OGN: variants seen among roughly 807,000 people sequenced by gnomAD.
OGN encodes the protein mimecan.
Under a neutral mutation model 30.8 loss-of-function variants are expected in OGN, and 19 were observed. The ratio of observed to expected loss-of-function variants is 0.62; its 90% CI spans 0.43 to 0.90. The LOEUF (loss-of-function observed/expected upper bound fraction) is 0.90. OGN is among the 40% of genes least tolerant of loss of function. The pLI is 0.00. For missense variants in OGN, 283 were observed against 349.7 expected, an observed-to-expected ratio of 0.81 and a Z score of 1.52; for synonymous variants, 126 against 128.3, an observed-to-expected ratio of 0.98 and a Z score of 0.12.
intron 5 of OGN, among the ~76,000 whole-genome samples, chr9:92,388,316 C>A (rs1842519110): frequency 6.6e-6 from 1 of 151,792 alleles, no homozygotes; most frequent in Admixed American, 6.6e-5. Flanking sequence ...CGCCCACCAC[C>A]ACGCCTAGCT....
At chr9:92,388,657 A>G (rs1215153866) in intron 5 of OGN, among the ~76,000 whole-genome samples, 1 of 151,476 alleles carries the variant, frequency 6.6e-6, no homozygotes, top group Non-Finnish European at 1.5e-5. Context: ...CCTGGCCAAC[A>G]CCCATCTCTA....
chr9:92,386,636 A>G (rs1372436509), intron 5 of OGN, among the ~76,000 whole-genome samples: 1 of 152,102 alleles, frequency 6.6e-6, no homozygotes, highest in African/African-American at 2.4e-5. Flanking sequence ...GTGAGTCCCT[A>G]TGTGGGATTG....
intron 3 of OGN, among the ~76,000 whole-genome samples, chr9:92,395,663 T>C (rs1842863362): frequency 6.6e-6 from 1 of 152,208 alleles, no homozygotes; most frequent in Non-Finnish European, 1.5e-5. Context: ...TCCACATCCT[T>C]GCCAACATTT....
intron 2 of OGN, 60 bp from the exon 3 acceptor site, chr9:92,401,245 T>G (rs545668633): frequency 1.3e-6 from 1 of 787,256 alleles, no homozygotes; most frequent in East Asian, 2.5e-5. Flanking sequence ...CTCTGTAAAA[T>G]GAAGGGATCA....
At chr9:92,391,275 C>T (rs1032658297) in intron 4 of OGN, among the ~76,000 whole-genome samples, 91 of 150,796 alleles carry the variant, frequency 6.0e-4, no homozygotes, top group Non-Finnish European at 6.9e-4. Context: ...GGCGTGGTGG[C>T]GAGCACTTGT....
At chr9:92,400,851 C>G (rs557542684) in intron 3 of OGN, among the ~76,000 whole-genome samples, 1 of 152,330 alleles carries the variant, frequency 6.6e-6, no homozygotes, top group Admixed American at 6.5e-5. Flanking sequence ...GGAAACCACA[C>G]TTTGTGGAGG....
At chr9:92,386,569 C>T (rs1842430214) in intron 5 of OGN, among the ~76,000 whole-genome samples, 1 of 152,012 alleles carries the variant, frequency 6.6e-6, no homozygotes, top group Admixed American at 6.6e-5. Context: ...TCTGAATATC[C>T]GGCTCTAATG....
intron 4 of OGN, among the ~76,000 whole-genome samples, chr9:92,392,834 TA>T (rs1194580113): frequency 6.6e-6 from 1 of 152,146 alleles, no homozygotes; most frequent in Non-Finnish European, 1.5e-5. Flanking sequence ...TGAGAAGATA[TA>T]GTTGCCCATA....
At position 92,384,896 on chromosome 9, in the gene OGN, T is replaced by A. The variant is rs1842363381; in HGVS notation, c.*724A>T. 6.6e-6 allele frequency: 1 copy of A among 152,572 alleles called. No individual in the cohort carries two copies. The highest frequency in any genetic ancestry group is 6.5e-5 in the Admixed American group (1 of 15,284). The allele number at this position is 152,572 out of a possible 1,614,324, so 9.5% of individuals were successfully genotyped here. A position where few individuals can be genotyped will look rare whatever the true frequency, so the allele number is the denominator to read the frequency against. On this transcript the variant is annotated 3_prime_UTR_variant, in exon 7 of 7. Transcript: ENST00000375561. ...TATAAGCATATTGGTTTTGGCCTGC[T>A]TGAGTTTAAAACTTTTTTTGGTAGA...
intron 3 of OGN, among the ~76,000 whole-genome samples, chr9:92,399,898 TAG>T (rs1554757621): frequency 6.6e-6 from 1 of 152,208 alleles, no homozygotes; most frequent in Non-Finnish European, 1.5e-5. Flanking sequence ...TTTTAAAGTA[TAG>T]AGTTTTATAA....
At chr9:92,389,257 T>C (rs1842568617) in intron 5 of OGN, among the ~76,000 whole-genome samples, 1 of 152,184 alleles carries the variant, frequency 6.6e-6, no homozygotes, top group African/African-American at 2.4e-5. Flanking sequence ...TTGAGACAAA[T>C]TGTCTACCTA....
rs188999006 is a variant in OGN, at chr9:92,401,546, G to C, written c.175-361C>G. ...TTTCTGAGGTGAAACTGTTCCTCAG[G>C]GGTCTTGTCTGAACTGAGTTTCTCA... On this transcript the variant is annotated intron_variant, in intron 2 of 6. Transcript: ENST00000375561. Among the ~76,000 whole-genome samples the C allele has an allele frequency of 1.1e-3, 172 of 152,244 alleles. 1 individual carries two copies. The highest frequency in any genetic ancestry group is 3.9e-3 in the African/African-American group (164 of 41,550).
At position 92,385,535 on chromosome 9, in the gene OGN, A is replaced by G; in HGVS notation, c.*85T>C. On this transcript the variant is annotated 3_prime_UTR_variant, in exon 7 of 7. Coordinates refer to ENST00000375561, the MANE Select transcript of OGN (RefSeq NM_014057.5). ...AAAATGAGATACAAGGTTAATATTAAACCAATACTTAAGTTCCTTTACTCA... is the reference window on the plus strand; with the variant it reads ...AAAATGAGATACAAGGTTAATATTAGACCAATACTTAAGTTCCTTTACTCA... 8.5e-7 allele frequency: 1 copy of G among 1,177,600 alleles called. No homozygotes were observed. Among genetic ancestry groups the G allele is most frequent in the South Asian group, 1.5e-5 (1 of 67,506 alleles). 72.9% of individuals were successfully genotyped at this position (1,177,600 alleles called of 1,614,324 possible).
chr9:92,392,538 C>G (rs974655395), intron 4 of OGN, among the ~76,000 whole-genome samples: 8 of 151,780 alleles, frequency 5.3e-5, no homozygotes, highest in African/African-American at 1.5e-4. Flanking sequence ...CCACTTAAAC[C>G]TGGGAGACAG....
At chr9:92,388,285 C>G (rs1250303114) in intron 5 of OGN, among the ~76,000 whole-genome samples, 4 of 151,600 alleles carry the variant, frequency 2.6e-5, no homozygotes, top group Non-Finnish European at 5.9e-5. Context: ...CCTCAGCCTC[C>G]TGAGTAGCTG....
rs1842358444 is a variant in OGN at position 92,384,775 on chromosome 9, G to A, written c.*845C>T. On this transcript the variant is annotated 3_prime_UTR_variant, in exon 7 of 7. Transcript: ENST00000375561. ...ATTTATTGATGAGATTCTCATTTCTGTAGTATAAAAGGAAAATATTTTGCA... is the reference window on the plus strand; with the variant it reads ...ATTTATTGATGAGATTCTCATTTCTATAGTATAAAAGGAAAATATTTTGCA... 6.6e-6 allele frequency: 1 copy of A among 151,986 alleles called. No individual in the cohort carries two copies. Among genetic ancestry groups the A allele is most frequent in the South Asian group, 2.1e-4 (1 of 4,826 alleles). 9.4% of individuals were successfully genotyped at this position (151,986 alleles called of 1,614,324 possible). A position where few individuals can be genotyped will look rare whatever the true frequency, so the allele number is the denominator to read the frequency against.
In OGN at chr9:92,385,415, A is replaced by G. The variant is rs1358529240; in HGVS notation, c.*205T>C. 1.2e-5 allele frequency: 6 copies of G among 492,336 alleles called. No homozygotes were observed. Among genetic ancestry groups the G allele is most frequent in the East Asian group, 6.7e-5 (2 of 29,712 alleles). 30.5% of individuals were successfully genotyped at this position (492,336 alleles called of 1,614,324 possible). On this transcript the variant is annotated 3_prime_UTR_variant, in exon 7 of 7. Coordinates refer to ENST00000375561, the MANE Select transcript of OGN (RefSeq NM_014057.5). ...TTTGTAATGCTGTTTAAATATTTTC[A>G]TATTACTTTGTTTCGAACGTAGACA... is the stretch of plus-strand genomic sequence containing the variant.
At chr9:92,387,363 G>A (rs1228769855) in intron 5 of OGN, among the ~76,000 whole-genome samples, 1 of 149,992 alleles carries the variant, frequency 6.7e-6, no homozygotes, top group Non-Finnish European at 1.5e-5. Flanking sequence ...GCCACAGAAC[G>A]AGACTCCATC....
chr9:92,393,526 A>G (rs1455091426), intron 3 of OGN, among the ~76,000 whole-genome samples: 4 of 152,220 alleles, frequency 2.6e-5, no homozygotes, highest in Admixed American at 2.6e-4. Context: ...AAAATTTACA[A>G]AGCAGGAGTT....
Sources: allele counts gnomAD v4.1 joint callset (sites outside exome capture counted in the v4.1 genomes callset), GRCh38; gene constraint gnomAD v4.1.1; transcripts MANE v1.5; gene names NCBI Gene and HGNC (gene_info 2026-07-23, HGNC 2026-07-21).